Variants in SLC4A10 observed in about 807,000 individuals in gnomAD.
SLC4A10 encodes the protein sodium-driven chloride bicarbonate exchanger.
Under a neutral mutation model 137.7 loss-of-function variants are expected in SLC4A10, and 42 were observed. The ratio of observed to expected loss-of-function variants is 0.30; its 90% confidence interval spans 0.24 to 0.39. The LOEUF (loss-of-function observed/expected upper bound fraction) is 0.39, where lower values mean the gene tolerates loss of function less well. Ranked by LOEUF, SLC4A10 falls within the 10% of genes least tolerant of loss-of-function variation. SLC4A10 has a pLI of 1.00. For missense variants in SLC4A10, 925 were observed against 1,355.0 expected, an observed-to-expected ratio of 0.68 and a Z score of 4.98; for synonymous variants, 474 against 464.1, an observed-to-expected ratio of 1.02 and a Z score of -0.27.
In SLC4A10 at chr2:161,735,738, C is replaced by T. The variant is rs113716646; in HGVS notation, c.49-35235C>T. 2.6e-3 allele frequency among the ~76,000 whole-genome samples: 401 copies of T among 152,242 alleles called. 3 individuals are homozygous for T. Among genetic ancestry groups the T allele is most frequent in the African/African-American group, 8.9e-3 (368 of 41,536 alleles). On this transcript the variant is annotated intron_variant, in intron 1 of 26. Coordinates refer to ENST00000446997, the MANE Select transcript of SLC4A10 (RefSeq NM_001178015.2). ...TAATCCCAGGAAGAAGTGCCATACT[C>T]GGCTTGACTCTGTCCTTTAGCTGGT...
intron 1 of SLC4A10, among the ~76,000 whole-genome samples, chr2:161,684,073 GTTC>G (rs1232717172): frequency 2.0e-5 from 3 of 151,996 alleles, no homozygotes; most frequent in South Asian, 2.1e-4. Flanking sequence ...GACAACCATC[GTTC>G]TTCTTTCTTT....
At chr2:161,930,731 T>C (rs942868478) in intron 15 of SLC4A10, among the ~76,000 whole-genome samples, 8 of 152,000 alleles carry the variant, frequency 5.3e-5, no homozygotes, top group African/African-American at 1.9e-4. Flanking sequence ...TCCTTTCTAC[T>C]CAGAGCTAAC....
At chr2:161,929,176 A>G (rs536939763) in intron 15 of SLC4A10, among the ~76,000 whole-genome samples, 1 of 152,342 alleles carries the variant, frequency 6.6e-6, no homozygotes, top group South Asian at 2.1e-4. Context: ...AAACAGATTC[A>G]GACAATATAT....
In SLC4A10 at chr2:161,871,435, T is replaced by C. The variant is rs144315917; in HGVS notation, c.767-858T>C. ...AGATGGGGAGATGTTTAATTTTCAT[T>C]GCATTGCTAACTATGAACAAATTTC... On this transcript the variant is annotated intron_variant, in intron 6 of 26. Coordinates refer to ENST00000446997, the MANE Select transcript of SLC4A10 (RefSeq NM_001178015.2). Among the ~76,000 whole-genome samples, 78 of 152,116 alleles carry C rather than the reference T, an allele frequency of 5.1e-4. No homozygotes were observed. The East Asian group carries it at 0.012, about 24-fold the overall frequency.
At chr2:161,786,836 A>T (rs978217242) in intron 2 of SLC4A10, among the ~76,000 whole-genome samples, 2 of 148,502 alleles carry the variant, frequency 1.3e-5, no homozygotes, top group African/African-American at 5.0e-5. Flanking sequence ...TTTATGCTTT[A>T]TGACATAAAA....
At chr2:161,880,295 G>C (rs1335456488) in intron 9 of SLC4A10, among the ~76,000 whole-genome samples, 1 of 152,154 alleles carries the variant, frequency 6.6e-6, no homozygotes, top group Admixed American at 6.6e-5. Flanking sequence ...TTCAGGTACT[G>C]TATCAACTGT....
At chr2:161,841,516 G>A (rs947211617) in intron 4 of SLC4A10, among the ~76,000 whole-genome samples, 8 of 152,102 alleles carry the variant, frequency 5.3e-5, no homozygotes, top group African/African-American at 1.7e-4. Flanking sequence ...TAATTCCATT[G>A]GATCATGTTA....
intron 1 of SLC4A10, chr2:161,708,782 G>A (rs1355345817): frequency 7.8e-6 from 12 of 1,532,782 alleles, no homozygotes; most frequent in Non-Finnish European, 8.7e-6. Flanking sequence ...AAATAGAAAG[G>A]TCATGCAGTC....
At chr2:161,728,668 G>A (rs2125165503) in intron 1 of SLC4A10, among the ~76,000 whole-genome samples, 1 of 152,044 alleles carries the variant, frequency 6.6e-6, no homozygotes, top group East Asian at 1.9e-4. Flanking sequence ...ATTTCTACTA[G>A]AAAATAGAAG....
At chr2:161,936,561 A>G (rs1286912327) in intron 15 of SLC4A10, among the ~76,000 whole-genome samples, 1 of 152,056 alleles carries the variant, frequency 6.6e-6, no homozygotes, top group Non-Finnish European at 1.5e-5. Context: ...AGGTTATTCA[A>G]TATGTTGGAT....
At chr2:161,973,315 T>C (rs1395146388) in intron 23 of SLC4A10, among the ~76,000 whole-genome samples, 3 of 152,208 alleles carry the variant, frequency 2.0e-5, no homozygotes, top group Non-Finnish European at 4.4e-5. Context: ...AAAGCTATAA[T>C]CTATGAATAA....
In SLC4A10 at chr2:161,638,566, C is replaced by T. The variant is rs559766709; in HGVS notation, c.48+14000C>T. ...TTTGAAGTCAGGTAGTGTGATACCTCTAGTTTTCTTCTTTTTGCTCAGATA... is the reference window on the plus strand; with the variant it reads ...TTTGAAGTCAGGTAGTGTGATACCTTTAGTTTTCTTCTTTTTGCTCAGATA... On this transcript the variant is annotated intron_variant, in intron 1 of 26. Transcript: ENST00000446997. 2.6e-5 allele frequency among the ~76,000 whole-genome samples: 4 copies of T among 152,026 alleles called. No individual in the cohort carries two copies. In the South Asian group the frequency reaches 8.3e-4, roughly 31 times the overall value.
chr2:161,766,536 A>G (rs929810745), intron 1 of SLC4A10, among the ~76,000 whole-genome samples: 10 of 152,124 alleles, frequency 6.6e-5, no homozygotes, highest in Admixed American at 3.9e-4. Flanking sequence ...TGACCTTTGA[A>G]CATGGATACA....
chr2:161,797,527 C>T (rs1224638752), intron 2 of SLC4A10, among the ~76,000 whole-genome samples: 2 of 140,622 alleles, frequency 1.4e-5, no homozygotes, highest in South Asian at 2.1e-4. Context: ...GGGCTTGATT[C>T]GTTAGCCAGT....
At chr2:161,690,747 C>G (rs1212912166) in intron 1 of SLC4A10, among the ~76,000 whole-genome samples, 4 of 152,034 alleles carry the variant, frequency 2.6e-5, no homozygotes, top group Admixed American at 2.6e-4. Flanking sequence ...AATGAGAACA[C>G]ATGGATATAG....
chr2:161,829,789 T>C (rs568678470), intron 3 of SLC4A10, among the ~76,000 whole-genome samples: 36 of 152,276 alleles, frequency 2.4e-4, no homozygotes, highest in Admixed American at 1.7e-3. Context: ...CACAGTTCCA[T>C]ATGGCTGAGG....
At chr2:161,664,443 A>G (rs1287798626) in intron 1 of SLC4A10, among the ~76,000 whole-genome samples, 1 of 151,936 alleles carries the variant, frequency 6.6e-6, no homozygotes, top group Non-Finnish European at 1.5e-5. Context: ...AGAATTTGTA[A>G]TCAGATATAA....
intron 2 of SLC4A10, among the ~76,000 whole-genome samples, chr2:161,797,359 G>A (rs1197951808): frequency 6.6e-6 from 1 of 152,004 alleles, no homozygotes; most frequent in Non-Finnish European, 1.5e-5. Context: ...AATTTTCACT[G>A]ATTGCCCAGG....
chr2:161,894,799 G>C lies in SLC4A10; in HGVS notation c.1315G>C (p.Glu439Gln). 5 of 1,384,712 alleles carry C rather than the reference G, an allele frequency of 3.6e-6. No individual in the cohort carries two copies. Among genetic ancestry groups the C allele is most frequent in the Non-Finnish European group, 4.7e-6 (5 of 1,061,836 alleles). The allele number at this position is 1,384,712 out of a possible 1,614,324, so 85.8% of individuals were successfully genotyped here. ...PGEWDPSIRIEPPKNVPSQEK... is the reference protein window; with the variant it reads ...PGEWDPSIRIQPPKNVPSQEK... Reference sequence around the variant, plus strand: ...AGAATGGGATCCAAGCATTCGAATAGAGCCTCCCAAAAATGTTCCTTCCCA... The same window carrying C: ...AGAATGGGATCCAAGCATTCGAATACAGCCTCCCAAAAATGTTCCTTCCCA... The change falls in exon 11 of 27, where the codon GAG becomes CAG. Residue 439 changes from glutamate (E) to glutamine (Q), a missense_variant. Around this residue, in one of 11 missense-constraint regions of SLC4A10, gnomAD observed 15 missense variants for 49.1 expected, o/e 0.31. Transcript: ENST00000446997.
Sources: gnomAD v4.1 joint callset for allele counts (sites outside exome capture counted in the v4.1 genomes callset) on GRCh38, gnomAD v4.1.1 for gene constraint, gnomAD v4.1.1 regional missense constraint, MANE v1.5 for transcripts, NCBI Gene and HGNC (gene_info 2026-07-23, HGNC 2026-07-21) for gene names.